Variants in PRIM2 observed in about 807,000 individuals in gnomAD.
PRIM2 encodes DNA primase large subunit.
In PRIM2, 39 loss-of-function variants were observed where a neutral mutation model predicts 67.3. That is an observed-to-expected ratio of 0.58 (90% CI 0.45 to 0.76). The LOEUF (loss-of-function observed/expected upper bound fraction) is 0.76, where lower values mean the gene tolerates loss of function less well. PRIM2 is among the 30% of genes least tolerant of loss of function. PRIM2 has a pLI of 0.00. For missense variants in PRIM2, 398 were observed against 598.7 expected (o/e 0.66, Z 3.50); for synonymous variants, 143 against 198.7 (o/e 0.72, Z 2.36).
chr6:57,623,083 C>T (rs1401127202), intron 12 of PRIM2, among the ~76,000 whole-genome samples: 1 of 152,140 alleles, frequency 6.6e-6, no homozygotes, highest in Non-Finnish European at 1.5e-5. Flanking sequence ...TCTATTTCAT[C>T]TTCAGGAGTA....
intron 7 of PRIM2, among the ~76,000 whole-genome samples, chr6:57,506,363 A>T (rs1475849825): frequency 1.3e-5 from 2 of 152,106 alleles, no homozygotes; most frequent in African/African-American, 4.8e-5. Flanking sequence ...TAATATAAAA[A>T]TTAGATTTGA....
chr6:57,414,560 T>A (rs199889001), intron 7 of PRIM2, among the ~76,000 whole-genome samples: 9 of 152,122 alleles, frequency 5.9e-5, no homozygotes, highest in African/African-American at 2.2e-4. Flanking sequence ...ATCTTAGGAA[T>A]TTTTATGTAC....
intron 10 of PRIM2, among the ~76,000 whole-genome samples, chr6:57,563,626 T>C (rs1222429426): frequency 6.6e-6 from 1 of 152,198 alleles, no homozygotes; most frequent in East Asian, 1.9e-4. Flanking sequence ...TTATCTGACT[T>C]GTATATGCCT....
intron 5 of PRIM2, among the ~76,000 whole-genome samples, chr6:57,355,507 G>A (rs1240281332): frequency 2.0e-5 from 3 of 152,098 alleles, no homozygotes; most frequent in Non-Finnish European, 4.4e-5. Context: ...CAAGAATTTG[G>A]ATCCAGGCAC....
chr6:57,572,741 A>G (rs2127482039), intron 10 of PRIM2, among the ~76,000 whole-genome samples: 1 of 152,258 alleles, frequency 6.6e-6, no homozygotes, highest in African/African-American at 2.4e-5. Context: ...AGAGAGACCA[A>G]ATCACGTGAT....
chr6:57,298,889 C>T, the PRIM2 span, among the ~76,000 whole-genome samples: 1 of 152,054 alleles, frequency 6.6e-6, no homozygotes, highest in Non-Finnish European at 1.5e-5. Flanking sequence ...CTTTTCCTGC[C>T]TCCCCCACCC....
intron 13 of PRIM2, among the ~76,000 whole-genome samples, chr6:57,645,439 G>A (rs1777319204): frequency 6.7e-6 from 1 of 150,322 alleles, no homozygotes; most frequent in African/African-American, 2.5e-5. Flanking sequence ...AACCAGAATT[G>A]GTAATGTTTT....
intron 12 of PRIM2, among the ~76,000 whole-genome samples, chr6:57,613,550 T>A (rs1776702145): frequency 6.6e-6 from 1 of 152,228 alleles, no homozygotes; most frequent in South Asian, 2.1e-4. Context: ...TAGCATAGTA[T>A]CTGATCCATG....
chr6:57,389,110 A>AT (rs1770244246), intron 7 of PRIM2, among the ~76,000 whole-genome samples: 1 of 151,932 alleles, frequency 6.6e-6, no homozygotes, highest in Non-Finnish European at 1.5e-5. Context: ...TTTTATTTTT[A>AT]TTTTTTATTT....
chr6:57,411,951 GT>G (rs1771102325), intron 7 of PRIM2, among the ~76,000 whole-genome samples: 1 of 151,634 alleles, frequency 6.6e-6, no homozygotes, highest in Non-Finnish European at 1.5e-5. Context: ...CTATTTTAAA[GT>G]TTTGTCTAAA....
At chr6:57,423,804 A>G (rs748904141) in intron 7 of PRIM2, among the ~76,000 whole-genome samples, 1 of 152,178 alleles carries the variant, frequency 6.6e-6, no homozygotes, top group Non-Finnish European at 1.5e-5. Flanking sequence ...GATTAAGGGT[A>G]CATTGTTTCA....
intron 9 of PRIM2, among the ~76,000 whole-genome samples, chr6:57,534,212 G>A (rs1169297634): frequency 2.0e-5 from 3 of 151,992 alleles, no homozygotes; most frequent in African/African-American, 7.3e-5. Context: ...TTCTTGGTCC[G>A]CATTTCTCTG....
At chr6:57,428,638 A>T (rs367570878) in intron 7 of PRIM2, among the ~76,000 whole-genome samples, 1,952 of 152,248 alleles carry the variant, frequency 0.013, 40 homozygotes, top group African/African-American at 0.043. Flanking sequence ...ATGGGGAGTT[A>T]TGAAGGGAGG....
At chr6:57,563,996 T>C (rs1212625845) in intron 10 of PRIM2, among the ~76,000 whole-genome samples, 1 of 152,210 alleles carries the variant, frequency 6.6e-6, no homozygotes, top group Non-Finnish European at 1.5e-5. Context: ...ATTTCCCAAC[T>C]ATGTAGACAT....
chr6:57,376,370 A>G lies in PRIM2; in HGVS notation c.460-3531A>G, dbSNP rs547188139. Among the ~76,000 whole-genome samples the G allele has an allele frequency of 2.4e-3, 364 of 152,308 alleles. 2 individuals carry two copies. Among genetic ancestry groups the G allele is most frequent in the Non-Finnish European group, 3.9e-3 (262 of 68,018 alleles). On this transcript the variant is annotated intron_variant, in intron 5 of 13. Transcript: ENST00000615550. ...GTAGTGGTATGTCATTGAGGTTTCCATTATGGTTTCAAACCCTGATGACTA... is the reference window on the plus strand; with the variant it reads ...GTAGTGGTATGTCATTGAGGTTTCCGTTATGGTTTCAAACCCTGATGACTA...
chr6:57,344,971 C>T (rs1288952471), intron 5 of PRIM2, among the ~76,000 whole-genome samples: 1 of 151,748 alleles, frequency 6.6e-6, no homozygotes, highest in Non-Finnish European at 1.5e-5. Context: ...TTGTGAAAGT[C>T]ATTTCTCTTT....
chr6:57,576,680 C>T (rs1334706223), intron 10 of PRIM2, among the ~76,000 whole-genome samples: 32 of 149,806 alleles, frequency 2.1e-4, no homozygotes, highest in Middle Eastern at 3.4e-3. Context: ...ATTTCTCTTC[C>T]GTCATGGACA....
chr6:57,320,152 T>C (rs1353916016), intron 2 of PRIM2, among the ~76,000 whole-genome samples: 2 of 152,150 alleles, frequency 1.3e-5, no homozygotes, highest in African/African-American at 4.8e-5. Context: ...AGTGCCTAGT[T>C]TTTTTTTCCA....
In PRIM2 at chr6:57,353,139, C is replaced by CAAAAA. The variant is rs57281233; in HGVS notation, c.460-26745_460-26741dup. 2.2e-3 allele frequency among the ~76,000 whole-genome samples: 130 copies of CAAAAA among 58,582 alleles called. 2 individuals are homozygous for CAAAAA. The highest frequency in any genetic ancestry group is 6.0e-3 in the African/African-American group (123 of 20,372). The allele number at this position is 58,582 out of a possible 152,430, so 38.4% of individuals were successfully genotyped here. A position where few individuals can be genotyped will look rare whatever the true frequency, so the allele number is the denominator to read the frequency against. Reference sequence around the variant, plus strand: ...CTAATTGAGACCCATGGTGAAATCCCAAAAAAAAAAAAAAAAAAAAAGCAG... The same window carrying CAAAAA: ...CTAATTGAGACCCATGGTGAAATCCCAAAAAAAAAAAAAAAAAAAAAAAAAAGCAG... On this transcript the variant is annotated intron_variant, in intron 5 of 13. Transcript: ENST00000615550.
Sources: gnomAD v4.1 joint callset for allele counts (sites outside exome capture counted in the v4.1 genomes callset) on GRCh38, gnomAD v4.1.1 for gene constraint, MANE v1.5 for transcripts, NCBI Gene and HGNC (gene_info 2026-07-23, HGNC 2026-07-21) for gene names.